Variants in DCAF8 observed in about 807,000 individuals in gnomAD.
The protein encoded by DCAF8 is DDB1 and CUL4 associated factor 8.
Under a neutral mutation model 68.0 loss-of-function variants are expected in DCAF8, and 20 were observed. The ratio of observed to expected loss-of-function variants is 0.29; its 90% CI spans 0.21 to 0.43. The LOEUF is 0.43. Among genes scored for constraint, DCAF8 ranks in the 20% least tolerant of loss-of-function variants. DCAF8 has a pLI of 1.00. For missense variants in DCAF8, 460 were observed against 771.0 expected, an observed-to-expected ratio of 0.60 and a Z score of 4.78; for synonymous variants, 230 against 276.9, an observed-to-expected ratio of 0.83 and a Z score of 1.68.
intron 7 of DCAF8, among the ~76,000 whole-genome samples, chr1:160,228,523 C>T (rs1400558245): frequency 6.6e-6 from 1 of 151,898 alleles, no homozygotes. Flanking sequence ...TTCTTTACCC[C>T]TATAAATTCT....
intron 3 of DCAF8, among the ~76,000 whole-genome samples, chr1:160,243,279 G>A (rs1656188548): frequency 6.6e-6 from 1 of 151,886 alleles, no homozygotes; most frequent in Non-Finnish European, 1.5e-5. Flanking sequence ...CTGAAAAGAA[G>A]GAGGAGGGAA....
intron 2 of DCAF8, among the ~76,000 whole-genome samples, chr1:160,245,422 G>A (rs562601443): frequency 5.9e-5 from 9 of 152,288 alleles, no homozygotes; most frequent in African/African-American, 1.7e-4. Context: ...TCATTCCCAT[G>A]ACAATTATTC....
chr1:160,244,558 G>A (rs1656244111), intron 2 of DCAF8, among the ~76,000 whole-genome samples: 1 of 152,106 alleles, frequency 6.6e-6, no homozygotes, highest in Admixed American at 6.5e-5. Flanking sequence ...AACCTCTTGG[G>A]GGAAGAGATT....
intron 11 of DCAF8, among the ~76,000 whole-genome samples, chr1:160,222,425 C>T (rs556622858): frequency 1.3e-5 from 2 of 152,278 alleles, no homozygotes; most frequent in South Asian, 4.1e-4. Context: ...CCTAAGATCC[C>T]TTTCTTGTCT....
intron 3 of DCAF8, 79 bp downstream of exon 3, chr1:160,243,881 G>T: frequency 7.0e-7 from 1 of 1,418,500 alleles, no homozygotes; most frequent in Non-Finnish European, 9.9e-7. Flanking sequence ...TAAAATCCAG[G>T]CCTCCACTCT....
In DCAF8 at chr1:160,218,800, A is replaced by G; in HGVS notation, c.1560+49T>C. On this transcript the variant is annotated intron_variant, in intron 12 of 13. Transcript: ENST00000368074. ...CCTCCCTATGACAATAAGAATCAACAGTATGTGGATAAGCAGAAAGAAAAT... is the reference window on the plus strand; with the variant it reads ...CCTCCCTATGACAATAAGAATCAACGGTATGTGGATAAGCAGAAAGAAAAT... 3 of 1,609,976 alleles carry G rather than the reference A, an allele frequency of 1.9e-6. No individual in the cohort carries two copies. The East Asian group carries it at 6.7e-5, about 36-fold the overall frequency.
Position 160,225,241 on chromosome 1 carries a change from AGAGAC to A in DCAF8, c.1144-127_1144-123del, listed in dbSNP as rs1045646839. 3 of 926,664 alleles carry A rather than the reference AGAGAC, an allele frequency of 3.2e-6. No individual in the cohort carries two copies. In the Admixed American group the frequency reaches 7.1e-5, roughly 22 times the overall value. The allele number at this position is 926,664 out of a possible 1,614,324, so 57.4% of individuals were successfully genotyped here. A position where few individuals can be genotyped will look rare whatever the true frequency, so the allele number is the denominator to read the frequency against. On this transcript the variant is annotated intron_variant, in intron 8 of 13. Coordinates refer to ENST00000368074, the MANE Select transcript of DCAF8 (RefSeq NM_015726.4). ...TCCCAGAGATTTGAGAAAGACAGAC[AGAGAC>A]AAGAGTACAACTGATGAAACATGAC...
chr1:160,246,056 T>G (rs1363155839), intron 2 of DCAF8, among the ~76,000 whole-genome samples: 4 of 152,098 alleles, frequency 2.6e-5, no homozygotes, highest in East Asian at 3.9e-4. Context: ...GGGAATTGCT[T>G]GAACCTGGGA....
At position 160,216,037 on chromosome 1, in the gene DCAF8, G is replaced by T. The variant is rs973022250; in HGVS notation, c.*1555C>A. 1 of 152,120 alleles carries T rather than the reference G, an allele frequency of 6.6e-6. No individual in the cohort carries two copies. Among genetic ancestry groups the T allele is most frequent in the Admixed American group, 6.6e-5 (1 of 15,266 alleles). The allele number at this position is 152,120 out of a possible 1,614,324, so 9.4% of individuals were successfully genotyped here. A position where few individuals can be genotyped will look rare whatever the true frequency, so the allele number is the denominator to read the frequency against. ...TGGAACTGGGGGCAAAAAAATAGCA[G>T]CAAAAGCACTTAAGGGCAAGAATTC... On this transcript the variant is annotated 3_prime_UTR_variant, in exon 14 of 14. Coordinates refer to ENST00000368074, the MANE Select transcript of DCAF8 (RefSeq NM_015726.4).
At position 160,231,338 on chromosome 1, in the gene DCAF8, A is replaced by G. The variant is rs941336993; in HGVS notation, c.1029T>C (p.Asn343=). 3.1e-6 allele frequency: 5 copies of G among 1,613,982 alleles called. No homozygotes were observed. The highest frequency in any genetic ancestry group is 1.6e-4 in the Middle Eastern group (1 of 6,080). ...GTCCACCCACTGCAAACTGGTGGGT[A>G]TTGGCAGGATTCACATAGATCGTAT... ...GLYTIYVNPA[N]THQFAVGGRD... Residue 343 remains asparagine, a synonymous_variant, in exon 7 of 14, where the codon AAT becomes AAC. Coordinates refer to ENST00000368074, the MANE Select transcript of DCAF8 (RefSeq NM_015726.4).
Position 160,217,643 on chromosome 1 carries a change from G to T in DCAF8, c.1743C>A (p.Asp581Glu), listed in dbSNP as rs1461372344. ...ADSDESPSSS[D>E]TSDEEEGPDR... ...CAGGGCCCTCCTCCTCGTCCGATGT[G>T]TCTGAGGAGCTGGGAGACTCATCAG... Residue 581 changes from aspartate to glutamate, a missense_variant, in exon 14 of 14, where the codon GAC (aspartate) becomes GAA (glutamate). By Grantham distance (45) the Asp-to-Glu change is conservative. Around this residue, in one of 8 missense-constraint regions of DCAF8, gnomAD observed 80 missense variants for 115.1 expected, o/e 0.70. Coordinates refer to ENST00000368074, the MANE Select transcript of DCAF8 (RefSeq NM_015726.4). 1.9e-6 allele frequency: 3 copies of T among 1,614,178 alleles called. No homozygotes were observed. In the East Asian group the frequency reaches 6.7e-5, roughly 36 times the overall value.
chr1:160,218,525 TA>T, intron 12 of DCAF8, 85 bp from the exon 13 acceptor site: 1 of 1,044,546 alleles, frequency 9.6e-7, no homozygotes, highest in African/African-American at 1.6e-5. Context: ...CCTATCCCAA[TA>T]AAAGCTTCCC....
In DCAF8 at chr1:160,225,633, A is replaced by T; in HGVS notation, c.1101T>A (p.Asn367Lys). 6.2e-7 allele frequency: 1 copy of T among 1,613,606 alleles called. No homozygotes were observed. The highest frequency in any genetic ancestry group is 8.5e-7 in the Non-Finnish European group (1 of 1,179,574). ...ACTTCTTGAGTACTCCATTGTTCTC[A>T]TTCTCATCAATTTTCCTCTGGTCAT... is the stretch of plus-strand genomic sequence containing the variant. ...RIYDQRKIDENENNGVLKKFC... is the reference protein window; with the variant it reads ...RIYDQRKIDEKENNGVLKKFC... The change falls in exon 8 of 14, where the codon AAT becomes AAA. Residue 367 changes from asparagine to lysine, a missense_variant. This residue lies in a region of DCAF8 where 170 missense variants were observed against 318.2 expected (regional missense o/e 0.53). Transcript: ENST00000368074.
intron 7 of DCAF8, among the ~76,000 whole-genome samples, chr1:160,227,167 G>A (rs1655504762): frequency 6.6e-6 from 1 of 152,156 alleles, no homozygotes; most frequent in African/African-American, 2.4e-5. Flanking sequence ...CTGAGCTACT[G>A]GAGAACATCA....
rs573188417 is a variant in DCAF8 at position 160,258,665 on chromosome 1, G to A, written c.-27+2620C>T. Among the ~76,000 whole-genome samples, 6 of 152,028 alleles carry A rather than the reference G, an allele frequency of 3.9e-5. 1 individual carries two copies. The highest frequency in any genetic ancestry group is 9.6e-5 in the African/African-American group (4 of 41,488). On this transcript the variant is annotated intron_variant, in intron 2 of 13. Coordinates refer to ENST00000368074, the MANE Select transcript of DCAF8 (RefSeq NM_015726.4). ...CTAGGTATGGTGATATGCCCCTGCG[G>A]TCCCAGCTACTCAGCTGAGGTGGGA...
chr1:160,220,564 C>G (rs1655261702), intron 11 of DCAF8: 1 of 152,208 alleles, frequency 6.6e-6, no homozygotes, highest in Non-Finnish European at 1.5e-5. Context: ...GTCAATAATG[C>G]CTGAGCAGAG....
chr1:160,225,854 G>C (rs1655454616), intron 7 of DCAF8, among the ~76,000 whole-genome samples, 191 bp from the exon 8 acceptor site: 1 of 152,018 alleles, frequency 6.6e-6, no homozygotes, highest in Non-Finnish European at 1.5e-5. Context: ...TAAATCTTTT[G>C]TTTGTTTGAG....
chr1:160,222,126 CAAG>C (rs1263259876), intron 11 of DCAF8, among the ~76,000 whole-genome samples: 4 of 152,342 alleles, frequency 2.6e-5, no homozygotes, highest in African/African-American at 9.6e-5. Flanking sequence ...CTCTTAAGTA[CAAG>C]AATATTCTAA....
intron 6 of DCAF8, among the ~76,000 whole-genome samples, chr1:160,233,204 T>G (rs1655751607): frequency 6.6e-6 from 1 of 152,232 alleles, no homozygotes; most frequent in African/African-American, 2.4e-5. Context: ...CTAGAACTGT[T>G]CTAGGCAAAG....
Sources: allele counts gnomAD v4.1 joint callset (sites outside exome capture counted in the v4.1 genomes callset), GRCh38; gene constraint gnomAD v4.1.1; regional missense constraint gnomAD v4.1.1; transcripts MANE v1.5; gene names NCBI Gene and HGNC (gene_info 2026-07-23, HGNC 2026-07-21).